PRR5L: variants seen among roughly 807,000 people sequenced by gnomAD.
PRR5L encodes the protein proline-rich protein 5-like.
Under a neutral mutation model 36.4 loss-of-function variants are expected in PRR5L, and 21 were observed. The ratio of observed to expected loss-of-function variants is 0.58; its 90% confidence interval spans 0.41 to 0.83. The LOEUF is 0.83. PRR5L is among the 40% of genes least tolerant of loss of function. The pLI is 0.00. For synonymous variants in PRR5L, 188 were observed against 197.0 expected, an observed-to-expected ratio of 0.95 and a Z score of 0.38; for missense variants, 381 against 473.3, an observed-to-expected ratio of 0.80 and a Z score of 1.81.
chr11:36,299,730 G>A (rs1856353670), intron 1 of PRR5L, among the ~76,000 whole-genome samples: 1 of 152,166 alleles, frequency 6.6e-6, no homozygotes, highest in Non-Finnish European at 1.5e-5. Context: ...CGAGTGGCGG[G>A]GAGGGGAGTA....
intron 1 of PRR5L, chr11:36,375,969 C>G: frequency 2.6e-6 from 1 of 390,304 alleles, no homozygotes; most frequent in Non-Finnish European, 5.0e-6. Flanking sequence ...TAAGTGAGCC[C>G]CAGAATCACC....
At chr11:36,438,694 C>T (rs1229651268) in intron 6 of PRR5L, among the ~76,000 whole-genome samples, 1 of 152,076 alleles carries the variant, frequency 6.6e-6, no homozygotes, top group Non-Finnish European at 1.5e-5. Flanking sequence ...GGGCACAGCA[C>T]TTTGGGAGGC....
At chr11:36,378,025 C>T (rs1857307202) in intron 1 of PRR5L, among the ~76,000 whole-genome samples, 1 of 152,186 alleles carries the variant, frequency 6.6e-6, no homozygotes, top group Non-Finnish European at 1.5e-5. Context: ...GCTGATCAAG[C>T]CCGGGAGACT....
chr11:36,376,345 AGAG>A (rs145114661), intron 1 of PRR5L: 218,760 of 892,066 alleles, frequency 0.25, 23,524 homozygotes, highest in African/African-American at 0.53. Context: ...AGGAGGAGGA[AGAG>A]GAGGAGGAGG....
intron 3 of PRR5L, among the ~76,000 whole-genome samples, chr11:36,415,350 C>A (rs559992647): frequency 2.0e-5 from 3 of 152,196 alleles, no homozygotes; most frequent in African/African-American, 4.8e-5. Flanking sequence ...TGTTGCCTTA[C>A]GTAATTTCCA....
chr11:36,398,516 A>C (rs548746972), intron 1 of PRR5L: 34 of 152,350 alleles, frequency 2.2e-4, no homozygotes, highest in Admixed American at 1.5e-3. Flanking sequence ...GGAACAGTGG[A>C]GACAAAGACA....
intron 1 of PRR5L, among the ~76,000 whole-genome samples, chr11:36,340,877 C>T (rs1260642513): frequency 6.6e-6 from 1 of 152,144 alleles, no homozygotes; most frequent in Non-Finnish European, 1.5e-5. Flanking sequence ...TCAAAGGATC[C>T]CAGCTGAACA....
chr11:36,456,619 T>A (rs1859063217), intron 8 of PRR5L, among the ~76,000 whole-genome samples: 1 of 152,258 alleles, frequency 6.6e-6, no homozygotes, highest in South Asian at 2.1e-4. Context: ...TGCTGTCAGC[T>A]CTGGGTTTGA....
intron 4 of PRR5L, among the ~76,000 whole-genome samples, chr11:36,426,877 TG>T: frequency 6.6e-6 from 1 of 152,230 alleles, no homozygotes; most frequent in East Asian, 1.9e-4. Flanking sequence ...TTCTTCCTGC[TG>T]GGAAGATGGG....
At position 36,298,851 on chromosome 11, in the gene PRR5L, C is replaced by T. The variant is rs76584375; in HGVS notation, c.-126+2413C>T. On this transcript the variant is annotated intron_variant, in intron 1 of 8. Coordinates refer to ENST00000530639, the MANE Select transcript of PRR5L (RefSeq NM_001160167.2). ...TGGCCACCTTCTCACTGAGTTCTCA[C>T]ATGGTCTTTCCTCTGTGTGTGCATT... 5.9e-5 allele frequency among the ~76,000 whole-genome samples: 9 copies of T among 152,358 alleles called. No individual in the cohort carries two copies. The East Asian group carries it at 1.5e-3, about 26-fold the overall frequency.
At chr11:36,331,866 C>T (rs1789017986) in intron 1 of PRR5L, among the ~76,000 whole-genome samples, 1 of 152,090 alleles carries the variant, frequency 6.6e-6, no homozygotes, top group Admixed American at 6.6e-5. Flanking sequence ...CAGGGTTCTC[C>T]AGAAAAACAG....
chr11:36,330,198 C>T (rs961040032), intron 1 of PRR5L, among the ~76,000 whole-genome samples: 3 of 152,070 alleles, frequency 2.0e-5, no homozygotes, highest in African/African-American at 7.2e-5. Flanking sequence ...TGTTTACAGA[C>T]ATATAATCTA....
chr11:36,319,761 AG>A (rs2133462627), intron 1 of PRR5L, among the ~76,000 whole-genome samples: 1 of 151,018 alleles, frequency 6.6e-6, no homozygotes, highest in African/African-American at 2.4e-5. Flanking sequence ...TAAGTGTTAT[AG>A]GTTCTTAGGT....
chr11:36,431,844 T>G lies in PRR5L; in HGVS notation c.295-9T>G, dbSNP rs752030360. ...CCAAATTCTTATGTTCTTTGTTCTC[T>G]TTTGGCAGAACCAGCTTCTTGCAAA... On this transcript the variant is annotated splice_polypyrimidine_tract_variant and intron_variant, in intron 4 of 8. Transcript: ENST00000530639. 6.2e-7 allele frequency: 1 copy of G among 1,613,930 alleles called. No homozygotes were observed.
chr11:36,412,739 T>G (rs1221206678), intron 3 of PRR5L, among the ~76,000 whole-genome samples: 2 of 152,174 alleles, frequency 1.3e-5, no homozygotes, highest in African/African-American at 4.8e-5. Context: ...CCTTGATATT[T>G]TTTACTGTCA....
intron 1 of PRR5L, among the ~76,000 whole-genome samples, chr11:36,302,263 G>A (rs1277526675): frequency 6.6e-6 from 1 of 152,210 alleles, no homozygotes; most frequent in Non-Finnish European, 1.5e-5. Flanking sequence ...CCTTGAAGCG[G>A]GGATGGGGAA....
At chr11:36,342,646 G>T (rs1333059820) in intron 1 of PRR5L, among the ~76,000 whole-genome samples, 2 of 152,112 alleles carry the variant, frequency 1.3e-5, no homozygotes, top group Non-Finnish European at 2.9e-5. Context: ...CTCCTTCTAG[G>T]ATCCCTTGAG....
chr11:36,422,523 T>C (rs1234298901), intron 4 of PRR5L, among the ~76,000 whole-genome samples: 2 of 152,150 alleles, frequency 1.3e-5, no homozygotes, highest in Admixed American at 1.3e-4. Flanking sequence ...GTCAAGTCTG[T>C]CTCCTCACCC....
intron 1 of PRR5L, among the ~76,000 whole-genome samples, chr11:36,302,429 A>AG (rs1856386726): frequency 6.6e-6 from 1 of 152,182 alleles, no homozygotes; most frequent in African/African-American, 2.4e-5. Flanking sequence ...CAGGTCCTAT[A>AG]GAGTCTTATA....
Sources: gnomAD v4.1 joint callset for allele counts (sites outside exome capture counted in the v4.1 genomes callset) on GRCh38, gnomAD v4.1.1 for gene constraint, MANE v1.5 for transcripts, NCBI Gene and HGNC (gene_info 2026-07-23, HGNC 2026-07-21) for gene names.